Variants in RPIA observed in about 807,000 individuals in gnomAD.
RPIA encodes ribose 5-phosphate isomerase A, also known as ribose-5-phosphate isomerase.
RPIA carries 29 observed loss-of-function variants against 37.8 expected under a neutral mutation model. The ratio of observed to expected loss-of-function variants is 0.77; its 90% CI spans 0.57 to 1.05. The LOEUF (loss-of-function observed/expected upper bound fraction) is 1.05, where lower values mean the gene tolerates loss of function less well. Among genes scored for constraint, RPIA ranks in the 50% least tolerant of loss-of-function variants. RPIA has a pLI of 0.00. For synonymous variants in RPIA, 167 were observed against 157.0 expected, an observed-to-expected ratio of 1.06 and a Z score of -0.48; for missense variants, 385 against 413.6, an observed-to-expected ratio of 0.93 and a Z score of 0.60.
intron 4 of RPIA, among the ~76,000 whole-genome samples, chr2:88,733,599 G>A (rs886947669): frequency 5.9e-5 from 9 of 152,292 alleles, no homozygotes; most frequent in African/African-American, 2.2e-4. Context: ...TGCAGGCCTG[G>A]GGAGAGCAGT....
At chr2:88,721,625 G>T (rs1032871728) in intron 3 of RPIA, among the ~76,000 whole-genome samples, 4 of 130,444 alleles carry the variant, frequency 3.1e-5, no homozygotes, top group African/African-American at 8.6e-5. Flanking sequence ...CAATAGCAAA[G>T]ACTTGGAACC....
intron 5 of RPIA, 90 bp from the exon 6 acceptor site, chr2:88,735,579 T>G: frequency 1.8e-6 from 2 of 1,122,536 alleles, no homozygotes; most frequent in Non-Finnish European, 2.7e-6. Flanking sequence ...AGTGCCAGGA[T>G]TGAGTGGATT....
chr2:88,718,926 G>A (rs1183517168), intron 3 of RPIA, among the ~76,000 whole-genome samples: 1 of 152,128 alleles, frequency 6.6e-6, no homozygotes, highest in African/African-American at 2.4e-5. Context: ...GAAAGGATCA[G>A]CAACGTCTTA....
chr2:88,710,708 T>C (rs1263273137), intron 3 of RPIA, among the ~76,000 whole-genome samples: 2 of 152,222 alleles, frequency 1.3e-5, no homozygotes, highest in African/African-American at 4.8e-5. Flanking sequence ...TAATTTTTAG[T>C]CACAAGCCTA....
chr2:88,712,244 T>C (rs1034610916), intron 3 of RPIA, among the ~76,000 whole-genome samples: 2 of 149,844 alleles, frequency 1.3e-5, no homozygotes, highest in East Asian at 3.9e-4. Flanking sequence ...AGAGAAATGA[T>C]TGATTTTCTC....
At chr2:88,739,659 C>T (rs1673359159) in intron 8 of RPIA, among the ~76,000 whole-genome samples, 1 of 152,058 alleles carries the variant, frequency 6.6e-6, no homozygotes, top group South Asian at 2.1e-4. Flanking sequence ...GCTCTGTCAC[C>T]CAGAGTGGAG....
chr2:88,721,820 CTAATAATT>C (rs1673135744), intron 3 of RPIA, among the ~76,000 whole-genome samples: 1 of 150,764 alleles, frequency 6.6e-6, no homozygotes, highest in Admixed American at 6.6e-5. Flanking sequence ...ATTAAAATCT[CTAATAATT>C]TATTAAGAGT....
At chr2:88,716,910 ACT>A (rs541997359) in intron 3 of RPIA, among the ~76,000 whole-genome samples, 42 of 152,176 alleles carry the variant, frequency 2.8e-4, no homozygotes, top group Non-Finnish European at 5.6e-4. Context: ...ATCAGAGGAA[ACT>A]CTCCATTTTT....
In RPIA at chr2:88,736,822, C is replaced by T. The variant is rs574930320; in HGVS notation, c.738+146C>T. ...TTTAATTGATGTATTTGTTTATTTTCGGAGAATTGGCCTGTTAGTTTCTGC... is the reference window on the plus strand; with the variant it reads ...TTTAATTGATGTATTTGTTTATTTTTGGAGAATTGGCCTGTTAGTTTCTGC... On this transcript the variant is annotated intron_variant, in intron 7 of 8. Transcript: ENST00000283646. 3.8e-5 allele frequency: 40 copies of T among 1,059,386 alleles called. No homozygotes were observed. In the African/African-American group the frequency reaches 4.6e-4, roughly 12 times the overall value. The allele number at this position is 1,059,386 out of a possible 1,614,324, so 65.6% of individuals were successfully genotyped here.
chr2:88,737,885 C>A, intron 7 of RPIA, 92 bp from the exon 8 acceptor site: 3 of 916,360 alleles, frequency 3.3e-6, no homozygotes, highest in Non-Finnish European at 5.4e-6. Context: ...GGTTAAAATG[C>A]ATACTTGTCT....
rs565847534 is a variant in RPIA at position 88,733,398 on chromosome 2, G to A, written c.463-1154G>A. Among the ~76,000 whole-genome samples, 9 of 152,322 alleles carry A rather than the reference G, an allele frequency of 5.9e-5. 1 individual carries two copies. Among genetic ancestry groups the A allele is most frequent in the Admixed American group, 5.2e-4 (8 of 15,306 alleles). ...TTCTGTCATACACATGGGCCTCACA[G>A]GGGTTAGTAAGAACTATGGGAAGGA... On this transcript the variant is annotated intron_variant, in intron 4 of 8. Coordinates refer to ENST00000283646, the MANE Select transcript of RPIA (RefSeq NM_144563.3).
intron 3 of RPIA, 105 bp from the exon 4 acceptor site, chr2:88,729,173 G>A: frequency 8.2e-7 from 1 of 1,217,710 alleles, no homozygotes; most frequent in Non-Finnish European, 1.2e-6. Context: ...GGCTTTGGGA[G>A]AGAGCCTGGG....
intron 3 of RPIA, among the ~76,000 whole-genome samples, chr2:88,721,213 CAG>C (rs948651769): frequency 3.3e-5 from 5 of 151,710 alleles, no homozygotes; most frequent in African/African-American, 1.2e-4. Context: ...TGGGGCCTGT[CAG>C]GGGGTGAGGG....
At chr2:88,721,542 TATAC>T (rs1420344650) in intron 3 of RPIA, among the ~76,000 whole-genome samples, 3 of 92,432 alleles carry the variant, frequency 3.2e-5, no homozygotes, top group Non-Finnish European at 6.2e-5. Context: ...AGATATATAT[TATAC>T]ACACACACAC....
At chr2:88,748,881 T>G (rs1206352587) in intron 8 of RPIA, among the ~76,000 whole-genome samples, 1 of 152,062 alleles carries the variant, frequency 6.6e-6, no homozygotes, top group African/African-American at 2.4e-5. Flanking sequence ...TGGCTAATTT[T>G]TGTATTTTTT....
At chr2:88,738,949 T>C (rs1247388706) in intron 8 of RPIA, among the ~76,000 whole-genome samples, 1 of 152,128 alleles carries the variant, frequency 6.6e-6, no homozygotes, top group Non-Finnish European at 1.5e-5. Context: ...GGAGAGGCTG[T>C]GTGAAATGAA....
At chr2:88,748,467 T>C (rs1437903947) in intron 8 of RPIA, among the ~76,000 whole-genome samples, 1 of 152,252 alleles carries the variant, frequency 6.6e-6, no homozygotes, top group East Asian at 1.9e-4. Context: ...GATTGCCGTC[T>C]GTAGCTTGTA....
rs1672810565 is a variant in RPIA at position 88,700,136 on chromosome 2, A to G, written c.402+72A>G. On this transcript the variant is annotated intron_variant, in intron 3 of 8. Transcript: ENST00000283646. ...TCTGGTTCCCCGGGGTTGTGGACCT[A>G]TGGCCTTGTCTTGTACCTCAAGGTT... is the stretch of plus-strand genomic sequence containing the variant. The G allele has an allele frequency of 2.8e-6, 4 of 1,444,770 alleles. 1 individual carries two copies. The South Asian group carries it at 3.4e-5, about 12-fold the overall frequency. 89.5% of individuals were successfully genotyped at this position (1,444,770 alleles called of 1,614,324 possible).
chr2:88,724,373 C>A (rs1454350553), intron 3 of RPIA, among the ~76,000 whole-genome samples: 2 of 151,340 alleles, frequency 1.3e-5, no homozygotes, highest in African/African-American at 4.9e-5. Context: ...GTGGTGTGAT[C>A]TCGGCTCACT....
Sources: gnomAD v4.1 joint callset for allele counts (sites outside exome capture counted in the v4.1 genomes callset) on GRCh38, gnomAD v4.1.1 for gene constraint, MANE v1.5 for transcripts, NCBI Gene and HGNC (gene_info 2026-07-23, HGNC 2026-07-21) for gene names.